The following RANBP17 variants were observed in gnomAD, a reference collection of about 807,000 sequenced individuals.
RANBP17 encodes the protein ran-binding protein 17.
RANBP17 carries 158 observed loss-of-function variants against 141.2 expected under a neutral mutation model. The ratio of observed to expected loss-of-function variants is 1.12; its 90% CI spans 0.98 to 1.28. The LOEUF is 1.28. RANBP17 is among the 50% of genes most tolerant of loss of function. The pLI is 0.00. For missense variants in RANBP17, 1,438 were observed against 1,290.7 expected (o/e 1.11, Z -1.75); for synonymous variants, 430 against 450.0 (o/e 0.96, Z 0.56).
intron 12 of RANBP17, among the ~76,000 whole-genome samples, chr5:170,943,805 G>A (rs145841592): frequency 2.0e-5 from 3 of 151,992 alleles, no homozygotes; most frequent in Admixed American, 6.6e-5. Context: ...TGATAAATAC[G>A]TAGCGAAATG....
chr5:170,954,946 G>A (rs1275012532), intron 13 of RANBP17, among the ~76,000 whole-genome samples: 1 of 152,144 alleles, frequency 6.6e-6, no homozygotes, highest in East Asian at 1.9e-4. Context: ...AGGTGAGCAA[G>A]GATTACTGCC....
chr5:170,980,515 C>T (rs1380383332), intron 14 of RANBP17, among the ~76,000 whole-genome samples: 4 of 152,144 alleles, frequency 2.6e-5, no homozygotes, highest in African/African-American at 9.7e-5. Context: ...GAACTTGGTG[C>T]CCTGTGTCGC....
chr5:170,878,361 TGTGAAACTATA>T, intron 2 of RANBP17, 118 bp downstream of exon 2: 11 of 866,376 alleles, frequency 1.3e-5, no homozygotes, highest in Non-Finnish European at 1.8e-5. Context: ...TTTTTGTTTT[TGTGAAACTATA>T]GTTTCACTGT....
chr5:170,952,152 C>G (rs1352600620), intron 12 of RANBP17, among the ~76,000 whole-genome samples: 1 of 151,988 alleles, frequency 6.6e-6, no homozygotes, highest in Admixed American at 6.6e-5. Context: ...AGTAGAGCTT[C>G]TATGATAGAC....
At chr5:171,179,278 C>G (rs541245681) in intron 16 of RANBP17, among the ~76,000 whole-genome samples, 2 of 152,192 alleles carry the variant, frequency 1.3e-5, no homozygotes, top group African/African-American at 4.8e-5. Context: ...CCTATATAGT[C>G]TCCCTTAGTA....
intron 14 of RANBP17, among the ~76,000 whole-genome samples, chr5:171,155,078 GAAA>G (rs145976955): frequency 6.7e-5 from 5 of 75,032 alleles, no homozygotes; most frequent in Admixed American, 1.9e-4. Flanking sequence ...ACTCCATCTA[GAAA>G]AAAAAAAAAA....
intron 25 of RANBP17, among the ~76,000 whole-genome samples, chr5:171,291,304 CA>C (rs1768480271): frequency 6.6e-6 from 1 of 152,156 alleles, no homozygotes; most frequent in Non-Finnish European, 1.5e-5. Flanking sequence ...TGTTTTCAGA[CA>C]TAGGCCCTAG....
intron 14 of RANBP17, among the ~76,000 whole-genome samples, chr5:171,039,293 G>A (rs539957656): frequency 3.5e-5 from 5 of 144,362 alleles, no homozygotes; most frequent in Non-Finnish European, 6.0e-5. Flanking sequence ...TCTGACTGGT[G>A]TGACATGGTT....
intron 14 of RANBP17, among the ~76,000 whole-genome samples, chr5:171,049,277 T>C (rs1782798941): frequency 6.6e-6 from 1 of 152,238 alleles, no homozygotes; most frequent in Non-Finnish European, 1.5e-5. Context: ...ATGTATGTCT[T>C]CTTTTGAAAA....
intron 18 of RANBP17, among the ~76,000 whole-genome samples, chr5:171,196,648 G>C (rs1761998016): frequency 6.6e-6 from 1 of 152,068 alleles, no homozygotes; most frequent in Non-Finnish European, 1.5e-5. Context: ...ATGGGGCGAG[G>C]GGGTGGTTAC....
intron 14 of RANBP17, among the ~76,000 whole-genome samples, chr5:171,125,467 A>T (rs1352544657): frequency 6.6e-6 from 1 of 152,112 alleles, no homozygotes; most frequent in Non-Finnish European, 1.5e-5. Context: ...ACAAAAGGAT[A>T]TAATAGTTGT....
In RANBP17 at chr5:171,281,026, A is replaced by G. The variant is rs146781837; in HGVS notation, c.2944-12857A>G. 7.7e-3 allele frequency among the ~76,000 whole-genome samples: 1,166 copies of G among 152,252 alleles called. 8 individuals are homozygous for G. Among genetic ancestry groups the G allele is most frequent in the Non-Finnish European group, 0.014 (941 of 68,012 alleles). Reference sequence around the variant, plus strand: ...AGGATAACACCACCTCACCCAAGGGAATTCTATAGCTTACCTGAACTGGCC... The same window carrying G: ...AGGATAACACCACCTCACCCAAGGGGATTCTATAGCTTACCTGAACTGGCC... On this transcript the variant is annotated intron_variant, in intron 25 of 27. Transcript: ENST00000523189.
chr5:171,057,758 A>T (rs1332773608), intron 14 of RANBP17, among the ~76,000 whole-genome samples: 5 of 152,152 alleles, frequency 3.3e-5, no homozygotes, highest in Non-Finnish European at 5.9e-5. Flanking sequence ...TTCATAGGGT[A>T]GCATGATGGA....
chr5:171,167,159 A>G (rs892262518), intron 14 of RANBP17, among the ~76,000 whole-genome samples: 2 of 152,244 alleles, frequency 1.3e-5, no homozygotes, highest in African/African-American at 4.8e-5. Flanking sequence ...CTGTTTTGAC[A>G]GCAGAACACA....
chr5:171,204,548 T>C (rs1762466101), intron 19 of RANBP17, among the ~76,000 whole-genome samples: 1 of 152,184 alleles, frequency 6.6e-6, no homozygotes, highest in Admixed American at 6.5e-5. Context: ...AAACAGTATC[T>C]TTAGAAGTCA....
At chr5:171,106,052 G>A (rs1754806472) in intron 14 of RANBP17, among the ~76,000 whole-genome samples, 1 of 152,154 alleles carries the variant, frequency 6.6e-6, no homozygotes, top group South Asian at 2.1e-4. Flanking sequence ...TAGAGAAAGT[G>A]ACTGACATAC....
At position 170,910,982 on chromosome 5, in the gene RANBP17, C is replaced by A; in HGVS notation, c.608C>A (p.Pro203His). ...TACTTTTTTCAGGTGTTTGCCAAACCTTTAAATCTTCAGGATCAATGTCAG... is the reference window on the plus strand; with the variant it reads ...TACTTTTTTCAGGTGTTTGCCAAACATTTAAATCTTCAGGATCAATGTCAG... ...CSLLKEVFAK[P>H]LNLQDQCQQN... Residue 203 changes from proline to histidine, a missense_variant, in exon 7 of 28, where the codon CCT becomes CAT. Transcript: ENST00000523189. 1.2e-6 allele frequency: 2 copies of A among 1,610,624 alleles called. No homozygotes were observed. The highest frequency in any genetic ancestry group is 1.7e-6 in the Non-Finnish European group (2 of 1,178,254).
At chr5:171,109,789 G>T (rs1581656979) in intron 14 of RANBP17, among the ~76,000 whole-genome samples, 1 of 152,054 alleles carries the variant, frequency 6.6e-6, no homozygotes, top group Non-Finnish European at 1.5e-5. Flanking sequence ...TCTATAGAAG[G>T]TCCAACTGTA....
intron 14 of RANBP17, among the ~76,000 whole-genome samples, chr5:171,018,613 T>C (rs1780616331): frequency 6.6e-6 from 1 of 152,204 alleles, no homozygotes; most frequent in Non-Finnish European, 1.5e-5. Context: ...TTTTGTATTG[T>C]GAGACTTTGC....
Sources: allele counts gnomAD v4.1 joint callset (sites outside exome capture counted in the v4.1 genomes callset), GRCh38; gene constraint gnomAD v4.1.1; transcripts MANE v1.5; gene names NCBI Gene and HGNC (gene_info 2026-07-23, HGNC 2026-07-21).